The following DLG2 variants were observed in gnomAD, a reference collection of about 807,000 sequenced individuals.
DLG2 encodes discs large MAGUK scaffold protein 2.
DLG2 carries 45 observed loss-of-function variants against 132.5 expected under a neutral mutation model. The ratio of observed to expected loss-of-function variants is 0.34; its 90% CI spans 0.27 to 0.44. DLG2 has a LOEUF of 0.44. Ranked by LOEUF, DLG2 falls within the 20% of genes least tolerant of loss-of-function variation. The probability of loss-of-function intolerance (pLI) is 1.00; values close to 1 mark genes in which losing one functional copy is unlikely to be tolerated. For synonymous variants in DLG2, 424 were observed against 419.6 expected (o/e 1.01, Z -0.13); for missense variants, 1,045 against 1,196.9 (o/e 0.87, Z 1.87).
intron 18 of DLG2, among the ~76,000 whole-genome samples, chr11:83,763,922 C>T (rs2094027210): frequency 6.6e-6 from 1 of 152,192 alleles, no homozygotes; most frequent in Non-Finnish European, 1.5e-5. Flanking sequence ...TGCCGGATCT[C>T]ATATTCTTAT....
intron 18 of DLG2, among the ~76,000 whole-genome samples, chr11:83,655,437 C>T (rs1477937933): frequency 6.6e-6 from 1 of 152,094 alleles, no homozygotes; most frequent in Non-Finnish European, 1.5e-5. Flanking sequence ...TTAGAAAAGG[C>T]TAAATTTCAG....
In DLG2 at chr11:85,133,367, A is replaced by G. The variant is rs2075884471; in HGVS notation, c.282+21189T>C. 1.3e-5 allele frequency among the ~76,000 whole-genome samples: 2 copies of G among 152,206 alleles called. 1 individual carries two copies. The highest frequency in any genetic ancestry group is 4.1e-4 in the South Asian group (2 of 4,828). ...TAATAAAATGCTATTTATTATGAGC[A>G]TGATTGCCGGGAGTCTAAATGACTC... On this transcript the variant is annotated intron_variant, in intron 5 of 27. Coordinates refer to ENST00000376104, the MANE Select transcript of DLG2 (RefSeq NM_001142699.3).
chr11:83,646,669 C>T (rs2068284120), intron 18 of DLG2: 1 of 152,132 alleles, frequency 6.6e-6, no homozygotes, highest in Admixed American at 6.6e-5. Context: ...AGGCAAATGA[C>T]AAATGTTTGC....
chr11:83,712,800 G>A (rs1236034164), intron 18 of DLG2, among the ~76,000 whole-genome samples: 2 of 152,014 alleles, frequency 1.3e-5, no homozygotes. Context: ...AACACACACT[G>A]GGGGCTGTCA....
At chr11:84,483,233 G>A (rs150059606) in intron 7 of DLG2, among the ~76,000 whole-genome samples, 144 of 152,172 alleles carry the variant, frequency 9.5e-4, no homozygotes, top group African/African-American at 3.4e-3. Flanking sequence ...AGGAGTTCAA[G>A]ACCAGCCTGG....
intron 7 of DLG2, among the ~76,000 whole-genome samples, chr11:84,524,192 C>T (rs1055128293): frequency 6.6e-6 from 1 of 152,234 alleles, no homozygotes; most frequent in Non-Finnish European, 1.5e-5. Flanking sequence ...TCCTGAGTCA[C>T]AGGTGGCCCA....
At position 83,965,486 on chromosome 11, in the gene DLG2, A is replaced by G; in HGVS notation, c.1057-18T>C. Reference sequence around the variant, plus strand: ...TTGTTTACCTGAAAGGGTGAAAAAGATCAATATTAGAGTTAAATCTATGGA... The same window carrying G: ...TTGTTTACCTGAAAGGGTGAAAAAGGTCAATATTAGAGTTAAATCTATGGA... On this transcript the variant is annotated intron_variant, in intron 12 of 27. Coordinates refer to ENST00000376104, the MANE Select transcript of DLG2 (RefSeq NM_001142699.3). 1.3e-6 allele frequency: 2 copies of G among 1,589,862 alleles called. No homozygotes were observed. The highest frequency in any genetic ancestry group is 3.5e-5 in the Admixed American group (2 of 57,046).
chr11:84,473,539 C>T (rs2099114031), intron 7 of DLG2, among the ~76,000 whole-genome samples: 1 of 151,816 alleles, frequency 6.6e-6, no homozygotes, highest in Non-Finnish European at 1.5e-5. Context: ...GGAAGAATGC[C>T]ATCACTCTTA....
chr11:83,948,420 C>G (rs950382311), intron 14 of DLG2, among the ~76,000 whole-genome samples: 1 of 152,096 alleles, frequency 6.6e-6, no homozygotes, highest in Admixed American at 6.6e-5. Context: ...GAATGACAGG[C>G]ATTAAGGACT....
At position 85,224,367 on chromosome 11, in the gene DLG2, T is replaced by G. The variant is rs1320062285; in HGVS notation, c.186+60853A>C. On this transcript the variant is annotated intron_variant, in intron 4 of 27. Coordinates refer to ENST00000376104, the MANE Select transcript of DLG2 (RefSeq NM_001142699.3). ...TCAGAGACATGGAAACATATTTTGT[T>G]TAATACAAGTTGACAATACTTTCTC... Among the ~76,000 whole-genome samples the G allele has an allele frequency of 3.9e-5, 6 of 152,182 alleles. No homozygotes were observed. The South Asian group carries it at 1.2e-3, about 31-fold the overall frequency.
At chr11:84,152,344 G>GTTTT (rs61472652) in intron 9 of DLG2, among the ~76,000 whole-genome samples, 2 of 145,970 alleles carry the variant, frequency 1.4e-5, no homozygotes, top group South Asian at 4.3e-4. Context: ...TTGTTTGTTT[G>GTTTT]TTTTTTCTGA....
chr11:84,278,464 T>C (rs539432101), intron 7 of DLG2, among the ~76,000 whole-genome samples: 2 of 28,636 alleles, frequency 7.0e-5, no homozygotes, highest in Admixed American at 1.1e-3. Flanking sequence ...ACAAATACTT[T>C]CCAGATCATT....
intron 8 of DLG2, among the ~76,000 whole-genome samples, chr11:84,185,258 A>T (rs80307605): frequency 0.067 from 10,179 of 152,008 alleles, 420 homozygotes; most frequent in African/African-American, 0.1. Context: ...GAGCAGTGAT[A>T]TGTAGTTCTC....
intron 6 of DLG2, among the ~76,000 whole-genome samples, chr11:84,596,585 T>A (rs1486316411): frequency 1.3e-5 from 2 of 151,898 alleles, no homozygotes; most frequent in East Asian, 1.9e-4. Context: ...CTCAAGGTAA[T>A]GAAGGCATTT....
intron 8 of DLG2, among the ~76,000 whole-genome samples, chr11:84,220,971 T>A (rs1196315491): frequency 6.7e-6 from 1 of 149,878 alleles, no homozygotes. Flanking sequence ...TTTTTTTTTT[T>A]ACTTTTTTTT....
At position 84,622,183 on chromosome 11, in the gene DLG2, T is replaced by C. The variant is rs954747118; in HGVS notation, c.358-87452A>G. On this transcript the variant is annotated intron_variant, in intron 6 of 27. Coordinates refer to ENST00000376104, the MANE Select transcript of DLG2 (RefSeq NM_001142699.3). ...GGGAAACCTAGCATGATTAAGGGAA[T>C]AGAAAGTGTCTTCCTTTGTGTCAGA... Among the ~76,000 whole-genome samples the C allele has an allele frequency of 2.4e-4, 36 of 152,200 alleles. 1 individual carries two copies. Among genetic ancestry groups the C allele is most frequent in the African/African-American group, 8.2e-4 (34 of 41,446 alleles).
rs191606513 is a variant in DLG2, at chr11:84,397,928, T to C, written c.519+136642A>G. On this transcript the variant is annotated intron_variant, in intron 7 of 27. Coordinates refer to ENST00000376104, the MANE Select transcript of DLG2 (RefSeq NM_001142699.3). ...TCAGTCTGTGGAAATTAACAATATT[T>C]TCATCAGGAACACATGAACCATAAT... 1.6e-3 allele frequency among the ~76,000 whole-genome samples: 249 copies of C among 152,340 alleles called. 1 individual carries two copies. Among genetic ancestry groups the C allele is most frequent in the African/African-American group, 5.7e-3 (239 of 41,590 alleles).
At chr11:83,617,826 A>T (rs1287658694) in intron 19 of DLG2, among the ~76,000 whole-genome samples, 2 of 152,118 alleles carry the variant, frequency 1.3e-5, no homozygotes, top group African/African-American at 4.8e-5. Flanking sequence ...GTGAAACTCC[A>T]TCTCTACTAA....
Position 84,242,777 on chromosome 11 carries a change from T to G in DLG2, c.573+8461A>C, listed in dbSNP as rs150250410. Among the ~76,000 whole-genome samples, 350 of 152,316 alleles carry G rather than the reference T, an allele frequency of 2.3e-3. 3 individuals carry two copies. The highest frequency in any genetic ancestry group is 8.1e-3 in the African/African-American group (335 of 41,570). On this transcript the variant is annotated intron_variant, in intron 8 of 27. Coordinates refer to ENST00000376104, the MANE Select transcript of DLG2 (RefSeq NM_001142699.3). ...GAACTTTTAAGAAAGCTTTCAGTAA[T>G]TGCTGACATTTGCCTCCATGTGTAT...
Sources: gnomAD v4.1 joint callset for allele counts (sites outside exome capture counted in the v4.1 genomes callset) on GRCh38, gnomAD v4.1.1 for gene constraint, MANE v1.5 for transcripts, NCBI Gene and HGNC (gene_info 2026-07-23, HGNC 2026-07-21) for gene names.